Variants in EXT2 observed in about 807,000 individuals in gnomAD.
EXT2 encodes the protein exostosin glycosyltransferase 2, also known as exostosin-2.
A neutral mutation model predicts 81.6 loss-of-function variants in EXT2; 53 were observed. That is an observed-to-expected ratio of 0.65 (90% confidence interval 0.52 to 0.82). EXT2 has a LOEUF of 0.82. Among genes scored for constraint, EXT2 ranks in the 40% least tolerant of loss-of-function variants. EXT2 has a pLI of 0.00. For missense variants in EXT2, 774 were observed against 910.2 expected (o/e 0.85, Z 1.93); for synonymous variants, 320 against 340.0 (o/e 0.94, Z 0.65).
At chr11:44,206,989 T>G in intron 10 of EXT2, 30 bp downstream of exon 10, 3 of 1,604,882 alleles carry the variant, frequency 1.9e-6, no homozygotes, top group Non-Finnish European at 2.6e-6. Flanking sequence ...TGTGTTTATA[T>G]GTTTAATATT....
chr11:44,126,989 T>C, intron 6 of EXT2, 34 bp downstream of exon 6: 2 of 1,613,000 alleles, frequency 1.2e-6, no homozygotes, highest in Non-Finnish European at 1.7e-6. Context: ...TCTACATTAG[T>C]GGTTCTGCGT....
At chr11:44,212,989 C>T (rs1450295254) in intron 10 of EXT2, among the ~76,000 whole-genome samples, 1 of 151,944 alleles carries the variant, frequency 6.6e-6, no homozygotes, top group African/African-American at 2.4e-5. Flanking sequence ...ATTATATACA[C>T]TTGTCAACAC....
At chr11:44,209,317 G>A (rs1955620462) in intron 10 of EXT2, among the ~76,000 whole-genome samples, 1 of 152,108 alleles carries the variant, frequency 6.6e-6, no homozygotes, top group African/African-American at 2.4e-5. Context: ...CACTTCCTGT[G>A]TGATAGACAG....
chr11:44,107,487 G>A (rs899179023), intron 1 of EXT2, among the ~76,000 whole-genome samples, 196 bp from the exon 2 acceptor site: 1 of 152,156 alleles, frequency 6.6e-6, no homozygotes, highest in African/African-American at 2.4e-5. Flanking sequence ...GGAGGCCAAA[G>A]TGGGAGGATT....
intron 7 of EXT2, among the ~76,000 whole-genome samples, chr11:44,132,786 G>A (rs773435816): frequency 1.3e-5 from 2 of 151,880 alleles, no homozygotes; most frequent in Admixed American, 6.6e-5. Flanking sequence ...GCTTTCTGAC[G>A]GCCTCTTTCC....
At chr11:44,113,176 CAG>C (rs1393078331) in intron 3 of EXT2, among the ~76,000 whole-genome samples, 2 of 152,170 alleles carry the variant, frequency 1.3e-5, no homozygotes, top group East Asian at 1.9e-4. Context: ...CTTAAACAAA[CAG>C]AGTGGGATTT....
intron 13 of EXT2, among the ~76,000 whole-genome samples, chr11:44,239,395 T>TC (rs1235633081): frequency 2.1e-5 from 3 of 145,802 alleles, no homozygotes; most frequent in African/African-American, 7.5e-5. Context: ...TGTATATACT[T>TC]TTTTTTTTTT....
At chr11:44,118,686 AG>A (rs1954257748) in intron 4 of EXT2, among the ~76,000 whole-genome samples, 1 of 152,214 alleles carries the variant, frequency 6.6e-6, no homozygotes, top group Admixed American at 6.5e-5. Flanking sequence ...CACGGACAGA[AG>A]AAACTGATAT....
At chr11:44,219,777 G>A (rs1590657907) in intron 10 of EXT2, among the ~76,000 whole-genome samples, 1 of 152,132 alleles carries the variant, frequency 6.6e-6, no homozygotes, top group Non-Finnish European at 1.5e-5. Context: ...AGAGAAACTC[G>A]GTTCTTACTT....
rs12577376 is a variant in EXT2 at position 44,218,051 on chromosome 11, C to G, written c.1662+11092C>G. ...TTGTTAGGCACACAAAATATTGATG[C>G]TCTCCCTTTTACAACCTGGGCATCT... is the stretch of plus-strand genomic sequence containing the variant. On this transcript the variant is annotated intron_variant, in intron 10 of 13. Transcript: ENST00000533608. Among the ~76,000 whole-genome samples the G allele has an allele frequency of 9.9e-4, 151 of 152,332 alleles. 3 individuals carry two copies. In the East Asian group the frequency reaches 0.027, roughly 27 times the overall value.
In EXT2 at chr11:44,235,463, C is replaced by A. The variant is rs143250293; in HGVS notation, c.1936-830C>A. Among the ~76,000 whole-genome samples, 48 of 151,982 alleles carry A rather than the reference C, an allele frequency of 3.2e-4. No individual in the cohort carries two copies. In the East Asian group the frequency reaches 6.8e-3, roughly 22 times the overall value. Reference sequence around the variant, plus strand: ...ATTTCACCATGTTGCCCAGGCTGGTCTTGAACTCCTGAGCTCAGGCAGTCC... The same window carrying A: ...ATTTCACCATGTTGCCCAGGCTGGTATTGAACTCCTGAGCTCAGGCAGTCC... On this transcript the variant is annotated intron_variant, in intron 12 of 13. Coordinates refer to ENST00000533608, the MANE Select transcript of EXT2 (RefSeq NM_207122.2).
At chr11:44,183,528 C>T (rs1352051286) in intron 8 of EXT2, among the ~76,000 whole-genome samples, 1 of 152,070 alleles carries the variant, frequency 6.6e-6, no homozygotes, top group African/African-American at 2.4e-5. Context: ...TACATATCTG[C>T]AATTCTCACT....
chr11:44,105,311 G>A (rs1186211605), intron 1 of EXT2, among the ~76,000 whole-genome samples: 1 of 152,066 alleles, frequency 6.6e-6, no homozygotes, highest in African/African-American at 2.4e-5. Context: ...TTTATTTTTT[G>A]AGAAAGAGTC....
chr11:44,197,739 A>G, intron 8 of EXT2, 90 bp from the exon 9 acceptor site: 1 of 1,374,536 alleles, frequency 7.3e-7, no homozygotes, highest in Non-Finnish European at 1.0e-6. Flanking sequence ...AAAGCCACCA[A>G]GCCTGCCATG....
intron 7 of EXT2, among the ~76,000 whole-genome samples, chr11:44,157,311 C>T (rs572497904): frequency 1.5e-4 from 23 of 152,322 alleles, no homozygotes; most frequent in African/African-American, 5.1e-4. Flanking sequence ...ATGTCCTCTG[C>T]AGGACAGCAG....
chr11:44,188,794 A>C (rs1955352119), intron 8 of EXT2, among the ~76,000 whole-genome samples: 1 of 152,184 alleles, frequency 6.6e-6, no homozygotes. Context: ...GTGAAGTAAT[A>C]TAGAGAACAG....
intron 8 of EXT2, among the ~76,000 whole-genome samples, chr11:44,192,713 A>G (rs1955408097): frequency 6.6e-6 from 1 of 152,148 alleles, no homozygotes; most frequent in Non-Finnish European, 1.5e-5. Context: ...TGTTTTACAG[A>G]TGAGGAAACT....
chr11:44,144,446 T>A, intron 7 of EXT2: 1 of 976,878 alleles, frequency 1.0e-6, no homozygotes, highest in Non-Finnish European at 1.6e-6. Flanking sequence ...CCTGCTTTAG[T>A]AACCTTTCAC....
intron 7 of EXT2, among the ~76,000 whole-genome samples, chr11:44,142,125 C>A (rs1954654535): frequency 6.6e-6 from 1 of 152,162 alleles, no homozygotes; most frequent in Non-Finnish European, 1.5e-5. Flanking sequence ...TTGGCAACAA[C>A]AGAAACATAG....
Sources: gnomAD v4.1 joint callset for allele counts (sites outside exome capture counted in the v4.1 genomes callset) on GRCh38, gnomAD v4.1.1 for gene constraint, MANE v1.5 for transcripts, NCBI Gene and HGNC (gene_info 2026-07-23, HGNC 2026-07-21) for gene names.